The following NMD3 variants were observed in gnomAD, a reference collection of about 807,000 sequenced individuals.
NMD3 encodes the protein 60S ribosomal export protein NMD3.
In NMD3, 47 loss-of-function variants were observed where a neutral mutation model predicts 73.1. That is an observed-to-expected ratio of 0.64 (90% confidence interval 0.51 to 0.82). The LOEUF is 0.82. Among genes scored for constraint, NMD3 ranks in the 40% least tolerant of loss-of-function variants. The pLI is 0.00. For missense variants in NMD3, 554 were observed against 612.5 expected (o/e 0.90, Z 1.01); for synonymous variants, 210 against 194.5 (o/e 1.08, Z -0.66).
chr3:161,246,434 A>T lies in NMD3; in HGVS notation c.1116A>T (p.Gly372=). 1 of 1,468,082 alleles carries T rather than the reference A, an allele frequency of 6.8e-7. No homozygotes were observed. Among genetic ancestry groups the T allele is most frequent in the Non-Finnish European group, 9.4e-7 (1 of 1,067,418 alleles). The allele number at this position is 1,468,082 out of a possible 1,614,324, so 90.9% of individuals were successfully genotyped here. Residue 372 remains glycine, a synonymous_variant, in exon 12 of 16, where the codon GGA becomes GGT. Transcript: ENST00000351193. ...ATTTGGGACATCTTCTAAATCCCGG[A>T]GACCTGGTGTTAGGGTTTGTATTAT... ...RTHLGHLLNP[G]DLVLGFDLAN...
intron 4 of NMD3, among the ~76,000 whole-genome samples, chr3:161,229,835 G>A (rs1002547546): frequency 1.3e-5 from 2 of 152,134 alleles, no homozygotes; most frequent in African/African-American, 4.8e-5. Flanking sequence ...GGGAGGAAAG[G>A]GAAGTGTTTT....
Position 161,241,109 on chromosome 3 carries a change from G to A in NMD3, c.817G>A (p.Val273Met). ...CCTGGGAAATATGAACCAGATTTGT[G>A]TGTGTATTCGAGTAACCAGTGCCAT... is the stretch of plus-strand genomic sequence containing the variant. The part of the protein sequence containing the change: ...QSLGNMNQIC[V>M]CIRVTSAIHL... Residue 273 changes from valine to methionine, a missense_variant, in exon 10 of 16, where the codon GTG (valine) becomes ATG (methionine). By Grantham distance (21) the Val-to-Met change is conservative (BLOSUM62 1). Coordinates refer to ENST00000351193, the MANE Select transcript of NMD3 (RefSeq NM_015938.5). 1 of 1,613,492 alleles carries A rather than the reference G, an allele frequency of 6.2e-7. No homozygotes were observed. Among genetic ancestry groups the A allele is most frequent in the Non-Finnish European group, 8.5e-7 (1 of 1,179,710 alleles).
intron 2 of NMD3, among the ~76,000 whole-genome samples, chr3:161,224,488 CT>C (rs1030828166): frequency 6.6e-6 from 1 of 151,676 alleles, no homozygotes. Context: ...TGCTTTGTTT[CT>C]TTTTTTTGTT....
At position 161,242,638 on chromosome 3, in the gene NMD3, A is replaced by G; in HGVS notation, c.1002A>G (p.Gly334=). 1 of 1,611,686 alleles carries G rather than the reference A, an allele frequency of 6.2e-7. No homozygotes were observed. The highest frequency in any genetic ancestry group is 8.5e-7 in the Non-Finnish European group (1 of 1,178,608). The change falls in exon 11 of 16, where the codon GGA becomes GGG. Residue 334 remains glycine (G), a synonymous_variant. Transcript: ENST00000351193. ...VQDIKRAAGA[G]MISKKHTLGE... ...ATATAAAACGTGCTGCAGGTGCTGG[A>G]ATGATATCAAAAAAGGTAAGCTACA...
intron 11 of NMD3, among the ~76,000 whole-genome samples, chr3:161,245,571 A>G (rs553013309): frequency 6.6e-5 from 10 of 152,030 alleles, no homozygotes; most frequent in South Asian, 6.2e-4. Context: ...ACCAACTGCA[A>G]TAAGAAACAC....
At chr3:161,240,481 T>G (rs1418205081) in intron 9 of NMD3, among the ~76,000 whole-genome samples, 1 of 151,246 alleles carries the variant, frequency 6.6e-6, no homozygotes, top group African/African-American at 2.4e-5. Context: ...GCATTCACAC[T>G]GCAATAAAAT....
chr3:161,251,151 G>A lies in NMD3; in HGVS notation c.*241G>A. ...TTGATTTTTGGCAATTTTACATTTG[G>A]AATTTTATCACTGTGCTTTTTTATA... is the stretch of plus-strand genomic sequence containing the variant. On this transcript the variant is annotated 3_prime_UTR_variant, in exon 16 of 16. Coordinates refer to ENST00000351193, the MANE Select transcript of NMD3 (RefSeq NM_015938.5). 1 of 317,848 alleles carries A rather than the reference G, an allele frequency of 3.1e-6. No homozygotes were observed. Among genetic ancestry groups the A allele is most frequent in the Non-Finnish European group, 5.8e-6 (1 of 172,188 alleles). The allele number at this position is 317,848 out of a possible 1,614,324, so 19.7% of individuals were successfully genotyped here.
intron 4 of NMD3, among the ~76,000 whole-genome samples, chr3:161,233,191 A>G (rs748099010): frequency 3.3e-5 from 5 of 151,106 alleles, no homozygotes; most frequent in Non-Finnish European, 5.9e-5. Flanking sequence ...TATCAGTTGC[A>G]TTAATATAGT....
At chr3:161,241,756 T>G (rs1175146344) in intron 10 of NMD3, among the ~76,000 whole-genome samples, 1 of 152,192 alleles carries the variant, frequency 6.6e-6, no homozygotes, top group East Asian at 1.9e-4. Flanking sequence ...TTTTTGTGAC[T>G]ATTTACTTAA....
chr3:161,236,576 A>C (rs1285715212), intron 7 of NMD3, among the ~76,000 whole-genome samples: 1 of 152,080 alleles, frequency 6.6e-6, no homozygotes, highest in East Asian at 1.9e-4. Context: ...AATTTTGTTG[A>C]AGTCCAGTTT....
rs551080816 is a variant in NMD3 at position 161,237,471 on chromosome 3, C to G, written c.578-642C>G. Among the ~76,000 whole-genome samples, 5 of 149,618 alleles carry G rather than the reference C, an allele frequency of 3.3e-5. No homozygotes were observed. The East Asian group carries it at 9.8e-4, about 29-fold the overall frequency. ...TTCTTTTTCTAGTACTTTTTGTTTT[C>G]TATCTCTCAGATAGTTTCCTGTTAT... On this transcript the variant is annotated intron_variant, in intron 7 of 15. Coordinates refer to ENST00000351193, the MANE Select transcript of NMD3 (RefSeq NM_015938.5).
At chr3:161,230,760 A>ATC (rs1221129095) in intron 4 of NMD3, among the ~76,000 whole-genome samples, 1 of 152,196 alleles carries the variant, frequency 6.6e-6, no homozygotes, top group African/African-American at 2.4e-5. Flanking sequence ...TGGATAATTC[A>ATC]TCTGTGGTAA....
At chr3:161,222,093 G>T in intron 2 of NMD3, 36 bp downstream of exon 2, 1 of 1,572,124 alleles carries the variant, frequency 6.4e-7, no homozygotes, top group Non-Finnish European at 8.7e-7. Context: ...CCTTAAATGT[G>T]AAAATCTTCA....
Position 161,238,198 on chromosome 3 carries a change from T to C in NMD3, c.656+7T>C. ...AGTGTACAGTTCCCTGTAGGTATGT[T>C]CTGAACCTTGAATGTGACTAAATCT... On this transcript the variant is annotated splice_region_variant and intron_variant, in intron 8 of 15. Transcript: ENST00000351193. The C allele has an allele frequency of 6.4e-7, 1 of 1,565,856 alleles. No homozygotes were observed. The highest frequency in any genetic ancestry group is 2.2e-5 in the East Asian group (1 of 44,456).
At chr3:161,225,879 CATAT>C (rs968695886) in intron 3 of NMD3, among the ~76,000 whole-genome samples, 2 of 151,330 alleles carry the variant, frequency 1.3e-5, no homozygotes, top group African/African-American at 4.9e-5. Flanking sequence ...TGTATATATA[CATAT>C]ATATACACAA....
intron 4 of NMD3, among the ~76,000 whole-genome samples, chr3:161,232,876 T>C (rs1736594545): frequency 6.6e-6 from 1 of 151,652 alleles, no homozygotes. Context: ...TCTTCACATA[T>C]AGCAAACTGT....
chr3:161,235,072 T>TA, intron 6 of NMD3, 50 bp from the exon 7 acceptor site: 1 of 1,015,208 alleles, frequency 9.9e-7, no homozygotes, highest in Non-Finnish European at 1.5e-6. Context: ...CCTATACCTA[T>TA]AAATGGCTTT....
At chr3:161,247,389 G>A (rs1553793942) in intron 13 of NMD3, 59 bp downstream of exon 13, 12 of 992,682 alleles carry the variant, frequency 1.2e-5, no homozygotes, top group Middle Eastern at 2.1e-4. Flanking sequence ...GTAACTCTTA[G>A]GGGTAAGAGG....
intron 12 of NMD3, 76 bp from the exon 13 acceptor site, chr3:161,247,182 T>C: frequency 1.2e-6 from 1 of 864,762 alleles, no homozygotes; most frequent in Non-Finnish European, 1.9e-6. Context: ...TAGGAAGTTT[T>C]AGGTGATAGC....
Sources: gnomAD v4.1 joint callset for allele counts (sites outside exome capture counted in the v4.1 genomes callset) on GRCh38, gnomAD v4.1.1 for gene constraint, MANE v1.5 for transcripts, NCBI Gene and HGNC (gene_info 2026-07-23, HGNC 2026-07-21) for gene names.